SLC4A10: variants seen among roughly 807,000 people sequenced by gnomAD.
The protein encoded by SLC4A10 is sodium-driven chloride bicarbonate exchanger.
SLC4A10 carries 42 observed loss-of-function variants against 137.7 expected under a neutral mutation model. That is an observed-to-expected ratio of 0.30 (90% CI 0.24 to 0.39). The LOEUF (loss-of-function observed/expected upper bound fraction) is 0.39. Among genes scored for constraint, SLC4A10 ranks in the 10% least tolerant of loss-of-function variants. The pLI is 1.00. For missense variants in SLC4A10, 925 were observed against 1,355.0 expected, an observed-to-expected ratio of 0.68 and a Z score of 4.98; for synonymous variants, 474 against 464.1, an observed-to-expected ratio of 1.02 and a Z score of -0.27.
intron 2 of SLC4A10, among the ~76,000 whole-genome samples, chr2:161,778,571 T>C (rs142989003): frequency 8.4e-4 from 127 of 152,078 alleles, no homozygotes; most frequent in African/African-American, 3.0e-3. Context: ...ATTCATAATG[T>C]AATTAGGTGC....
At chr2:161,921,764 G>A (rs1344168794) in intron 15 of SLC4A10, among the ~76,000 whole-genome samples, 1 of 152,130 alleles carries the variant, frequency 6.6e-6, no homozygotes, top group African/African-American at 2.4e-5. Flanking sequence ...AACGGTAAAT[G>A]GGGGTAAACC....
intron 1 of SLC4A10, among the ~76,000 whole-genome samples, chr2:161,641,506 G>A (rs528088716): frequency 3.9e-5 from 6 of 152,236 alleles, no homozygotes; most frequent in African/African-American, 1.4e-4. Context: ...TAGTTCTTAA[G>A]AGCTGAAATT....
At chr2:161,947,297 A>C (rs1693992022) in intron 16 of SLC4A10, among the ~76,000 whole-genome samples, 1 of 152,164 alleles carries the variant, frequency 6.6e-6, no homozygotes, top group South Asian at 2.1e-4. Flanking sequence ...GATTTAATAC[A>C]TACTAATTAA....
At chr2:161,923,588 A>G (rs1368512182) in intron 15 of SLC4A10, among the ~76,000 whole-genome samples, 1 of 151,876 alleles carries the variant, frequency 6.6e-6, no homozygotes, top group Non-Finnish European at 1.5e-5. Context: ...AAAACCAAAC[A>G]CTGCATGTTC....
At chr2:161,960,728 AG>A (rs1343031405) in intron 21 of SLC4A10, among the ~76,000 whole-genome samples, 2 of 149,700 alleles carry the variant, frequency 1.3e-5, no homozygotes, top group Non-Finnish European at 3.0e-5. Context: ...TCAAAAAAAA[AG>A]AAAAAAAAAA....
intron 1 of SLC4A10, among the ~76,000 whole-genome samples, chr2:161,734,966 C>CCT (rs1239148893): frequency 5.3e-5 from 8 of 151,096 alleles, no homozygotes; most frequent in East Asian, 2.0e-4. Flanking sequence ...GGCAGTTTCT[C>CCT]CTCTCTCTCT....
intron 16 of SLC4A10, 80 bp downstream of exon 16, chr2:161,942,977 A>T (rs1227298373): frequency 3.9e-6 from 4 of 1,028,336 alleles, no homozygotes; most frequent in East Asian, 5.2e-5. Flanking sequence ...TTACAGTAAA[A>T]TTTTTTTGAA....
rs572971977 is a variant in SLC4A10, at chr2:161,829,845, A to G, written c.278-9944A>G. Reference sequence around the variant, plus strand: ...GAAGCAAAAGGAAGGCACATCTTACATGGCAGCAGACAAGAGAGAATAAGA... The same window carrying G: ...GAAGCAAAAGGAAGGCACATCTTACGTGGCAGCAGACAAGAGAGAATAAGA... On this transcript the variant is annotated intron_variant, in intron 3 of 26. Transcript: ENST00000446997. 1.1e-4 allele frequency among the ~76,000 whole-genome samples: 16 copies of G among 152,250 alleles called. No homozygotes were observed. The South Asian group carries it at 3.3e-3, about 32-fold the overall frequency.
chr2:161,802,348 G>A (rs980245605), intron 2 of SLC4A10, among the ~76,000 whole-genome samples: 35 of 151,776 alleles, frequency 2.3e-4, no homozygotes, highest in Non-Finnish European at 4.1e-4. Flanking sequence ...AGAATTTGGA[G>A]GTAATTTAAC....
At chr2:161,956,914 T>A (rs1695769937) in intron 19 of SLC4A10, 75 bp from the exon 20 acceptor site, 2 of 1,450,214 alleles carry the variant, frequency 1.4e-6, no homozygotes, top group East Asian at 5.0e-5. Context: ...GGAAGTGGTT[T>A]CTATTCGCAA....
chr2:161,822,625 G>T (rs190512880), intron 3 of SLC4A10, among the ~76,000 whole-genome samples: 1 of 152,130 alleles, frequency 6.6e-6, no homozygotes, highest in African/African-American at 2.4e-5. Context: ...CTTACACATA[G>T]ACTTTTACAT....
intron 1 of SLC4A10, among the ~76,000 whole-genome samples, chr2:161,744,484 A>T (rs1211558399): frequency 6.6e-6 from 1 of 152,160 alleles, no homozygotes; most frequent in Non-Finnish European, 1.5e-5. Context: ...GATAAATACC[A>T]ATTGGTCATG....
intron 2 of SLC4A10, among the ~76,000 whole-genome samples, chr2:161,792,104 T>G (rs1400543712): frequency 6.6e-6 from 1 of 152,150 alleles, no homozygotes. Context: ...AAAGGCATAA[T>G]AACTCACTCA....
chr2:161,805,204 T>G (rs886251019), intron 3 of SLC4A10, among the ~76,000 whole-genome samples: 1 of 152,096 alleles, frequency 6.6e-6, no homozygotes, highest in African/African-American at 2.4e-5. Flanking sequence ...ACTTACTCAC[T>G]ATCACGAGAA....
chr2:161,719,100 G>T (rs910423712), intron 1 of SLC4A10, among the ~76,000 whole-genome samples: 2 of 150,858 alleles, frequency 1.3e-5, no homozygotes, highest in Non-Finnish European at 2.9e-5. Context: ...TCCCCTTCTT[G>T]TGTCCATGTG....
chr2:161,749,988 T>C (rs1484964288), intron 1 of SLC4A10, among the ~76,000 whole-genome samples: 2 of 151,760 alleles, frequency 1.3e-5, no homozygotes, highest in African/African-American at 2.4e-5. Flanking sequence ...GTAGGCTTTA[T>C]GTTTCTAAGA....
chr2:161,859,749 C>T (rs2060323598), intron 5 of SLC4A10, among the ~76,000 whole-genome samples: 1 of 151,730 alleles, frequency 6.6e-6, no homozygotes, highest in East Asian at 1.9e-4. Flanking sequence ...TACAGGCGCC[C>T]GCCACCACGC....
In SLC4A10 at chr2:161,946,703, AT is replaced by A. The variant is rs201010682; in HGVS notation, c.2104-856del. 5.2e-3 allele frequency among the ~76,000 whole-genome samples: 760 copies of A among 146,510 alleles called. 29 individuals carry two copies. The South Asian group carries it at 0.073, about 14-fold the overall frequency. On this transcript the variant is annotated intron_variant, in intron 16 of 26. Coordinates refer to ENST00000446997, the MANE Select transcript of SLC4A10 (RefSeq NM_001178015.2). ...GCTCAGTTTTTCCTGGAGGAAAAAA[AT>A]TTTTTTGACTTTGCTGCCACCTCAT... is the stretch of plus-strand genomic sequence containing the variant.
chr2:161,731,306 T>C (rs182017734), intron 1 of SLC4A10, among the ~76,000 whole-genome samples: 240 of 152,196 alleles, frequency 1.6e-3, no homozygotes, highest in African/African-American at 5.5e-3. Context: ...TAAAATGTTA[T>C]ATTTAGGGGG....
Sources: gnomAD v4.1 joint callset for allele counts (sites outside exome capture counted in the v4.1 genomes callset) on GRCh38, gnomAD v4.1.1 for gene constraint, MANE v1.5 for transcripts, NCBI Gene and HGNC (gene_info 2026-07-23, HGNC 2026-07-21) for gene names.